The following PXDNL variants were observed in gnomAD, a reference collection of about 807,000 sequenced individuals.
PXDNL encodes the protein peroxidasin like, also known as probable oxidoreductase PXDNL.
Under a neutral mutation model 150.8 loss-of-function variants are expected in PXDNL, and 145 were observed. That is an observed-to-expected ratio of 0.96 (90% confidence interval 0.84 to 1.10). The LOEUF is 1.10. PXDNL is among the 50% of genes least tolerant of loss of function. The pLI, the probability that PXDNL is intolerant of heterozygous loss-of-function variation, is 0.00. For synonymous variants in PXDNL, 757 were observed against 725.7 expected, an observed-to-expected ratio of 1.04 and a Z score of -0.69; for missense variants, 2,087 against 1,873.9, an observed-to-expected ratio of 1.11 and a Z score of -2.10.
chr8:51,544,755 T>C (rs1812318020), intron 4 of PXDNL, among the ~76,000 whole-genome samples: 2 of 152,226 alleles, frequency 1.3e-5, no homozygotes, highest in South Asian at 4.1e-4. Context: ...ATACTCATTG[T>C]GAATATTTAT....
chr8:51,379,194 C>G (rs996933762), intron 17 of PXDNL, among the ~76,000 whole-genome samples: 10 of 152,104 alleles, frequency 6.6e-5, no homozygotes, highest in Non-Finnish European at 1.5e-4. Flanking sequence ...TATTTTCAAA[C>G]TTGCCATTGA....
At chr8:51,784,991 T>C (rs1344346485) in intron 1 of PXDNL, among the ~76,000 whole-genome samples, 1 of 152,190 alleles carries the variant, frequency 6.6e-6, no homozygotes, top group Non-Finnish European at 1.5e-5. Context: ...CATAAAATTG[T>C]AAACAAACAA....
rs112060882 is a variant in PXDNL, at chr8:51,586,272, A to T, written c.308+6355T>A. On this transcript the variant is annotated intron_variant, in intron 3 of 22. Coordinates refer to ENST00000356297, the MANE Select transcript of PXDNL (RefSeq NM_144651.5). ...AGCTGGCTAGAGAAAGAGAAGCCAC[A>T]TGGAAAAGAAAAGGATCCCAGCTAA... Among the ~76,000 whole-genome samples, 316 of 152,322 alleles carry T rather than the reference A, an allele frequency of 2.1e-3. 1 individual carries two copies. Among genetic ancestry groups the T allele is most frequent in the African/African-American group, 7.3e-3 (305 of 41,578 alleles).
intron 1 of PXDNL, among the ~76,000 whole-genome samples, chr8:51,666,861 T>C (rs974753844): frequency 1.3e-5 from 2 of 152,188 alleles, no homozygotes; most frequent in African/African-American, 4.8e-5. Context: ...TTTCTGTCAA[T>C]TTATTTTAAT....
intron 1 of PXDNL, among the ~76,000 whole-genome samples, chr8:51,695,936 C>A (rs1816113207): frequency 6.6e-6 from 1 of 152,096 alleles, no homozygotes; most frequent in Non-Finnish European, 1.5e-5. Context: ...CCTCGGGGAA[C>A]AGAACAGGGC....
intron 8 of PXDNL, among the ~76,000 whole-genome samples, chr8:51,458,221 C>A (rs1809979347): frequency 6.6e-6 from 1 of 152,144 alleles, no homozygotes; most frequent in Non-Finnish European, 1.5e-5. Context: ...TGAGGTGCAC[C>A]ATTTGGATAT....
At chr8:51,544,295 C>A (rs1812302256) in intron 4 of PXDNL, among the ~76,000 whole-genome samples, 1 of 152,138 alleles carries the variant, frequency 6.6e-6, no homozygotes, top group Non-Finnish European at 1.5e-5. Flanking sequence ...GCAGATGGTG[C>A]AGGTAGGTGG....
At chr8:51,635,450 G>C (rs2130764151) in intron 2 of PXDNL, among the ~76,000 whole-genome samples, 1 of 152,012 alleles carries the variant, frequency 6.6e-6, no homozygotes, top group East Asian at 1.9e-4. Context: ...TTGGTTCTTT[G>C]AAAAGATCAA....
intron 4 of PXDNL, among the ~76,000 whole-genome samples, chr8:51,536,625 GTTT>G (rs11310622): frequency 1.4e-5 from 2 of 147,506 alleles, no homozygotes; most frequent in Admixed American, 1.3e-4. Flanking sequence ...AAGTCTTTCA[GTTT>G]TTTTTTTTTT....
At chr8:51,354,340 G>T (rs1017747712) in intron 19 of PXDNL, among the ~76,000 whole-genome samples, 1 of 152,050 alleles carries the variant, frequency 6.6e-6, no homozygotes, top group African/African-American at 2.4e-5. Flanking sequence ...ACAAACAAAT[G>T]GACAATTACA....
intron 2 of PXDNL, among the ~76,000 whole-genome samples, chr8:51,595,792 T>C (rs1020862867): frequency 2.0e-5 from 3 of 151,048 alleles, no homozygotes; most frequent in African/African-American, 7.4e-5. Context: ...TATGTGATCA[T>C]AAACAACGCA....
At chr8:51,719,706 T>TA (rs975967845) in intron 1 of PXDNL, among the ~76,000 whole-genome samples, 11 of 151,568 alleles carry the variant, frequency 7.3e-5, no homozygotes, top group South Asian at 2.1e-4. Context: ...ATGATTTTTT[T>TA]AAAAAAATAT....
rs376497146 is a variant in PXDNL at position 51,364,934 on chromosome 8, AT to A, written c.3901+6938del. ...AATGCTATGTTATACAACAGACTTTATTTTTTTTTCTTTATTTTATTTTAGA... is the reference window on the plus strand; with the variant it reads ...AATGCTATGTTATACAACAGACTTTATTTTTTTTCTTTATTTTATTTTAGA... On this transcript the variant is annotated intron_variant, in intron 19 of 22. Coordinates refer to ENST00000356297, the MANE Select transcript of PXDNL (RefSeq NM_144651.5). Among the ~76,000 whole-genome samples, 57 of 151,356 alleles carry A rather than the reference AT, an allele frequency of 3.8e-4. 1 individual carries two copies. The highest frequency in any genetic ancestry group is 7.4e-5 in the Non-Finnish European group (5 of 67,782).
chr8:51,457,765 GT>G, intron 8 of PXDNL, 98 bp from the exon 9 acceptor site: 1 of 783,032 alleles, frequency 1.3e-6, no homozygotes, highest in Non-Finnish European at 1.9e-6. Context: ...TATGTTTCAT[GT>G]CTACCAAATT....
intron 14 of PXDNL, among the ~76,000 whole-genome samples, chr8:51,422,113 C>CT (rs1260819218): frequency 2.0e-5 from 3 of 152,016 alleles, no homozygotes; most frequent in Non-Finnish European, 4.4e-5. Context: ...TTATGAGAAT[C>CT]TAATGCCTGA....
intron 3 of PXDNL, among the ~76,000 whole-genome samples, chr8:51,591,859 C>G (rs1031315893): frequency 6.6e-6 from 1 of 152,172 alleles, no homozygotes; most frequent in Admixed American, 6.5e-5. Context: ...ACCTCGTGAT[C>G]CGCCCGCCTG....
intron 3 of PXDNL, among the ~76,000 whole-genome samples, chr8:51,561,205 T>C (rs10102918): frequency 0.3 from 44,780 of 151,760 alleles, 8,665 homozygotes; most frequent in African/African-American, 0.55. Flanking sequence ...GGAGAGTCCT[T>C]AAAAATTAAA....
At chr8:51,809,106 A>G (rs1229058937) in intron 1 of PXDNL, 75 bp downstream of exon 1, 8 of 1,496,652 alleles carry the variant, frequency 5.3e-6, no homozygotes, top group Non-Finnish European at 1.8e-6. Flanking sequence ...TCGTAAATTA[A>G]AAGGACACAG....
At chr8:51,787,766 T>C (rs2037474413) in intron 1 of PXDNL, among the ~76,000 whole-genome samples, 1 of 152,238 alleles carries the variant, frequency 6.6e-6, no homozygotes, top group African/African-American at 2.4e-5. Flanking sequence ...TGAGAGAATT[T>C]ACTCCAATTT....
Sources: gnomAD v4.1 joint callset for allele counts (sites outside exome capture counted in the v4.1 genomes callset) on GRCh38, gnomAD v4.1.1 for gene constraint, MANE v1.5 for transcripts, NCBI Gene and HGNC (gene_info 2026-07-23, HGNC 2026-07-21) for gene names.